MIGA1: variants seen among roughly 807,000 people sequenced by gnomAD.
The protein encoded by MIGA1 is mitoguardin 1.
MIGA1 carries 58 observed loss-of-function variants against 82.0 expected under a neutral mutation model. The ratio of observed to expected loss-of-function variants is 0.71; its 90% confidence interval spans 0.57 to 0.88. The LOEUF is 0.88. Among genes scored for constraint, MIGA1 ranks in the 40% least tolerant of loss-of-function variants. The pLI, the probability that MIGA1 is intolerant of heterozygous loss-of-function variation, is 0.00. For missense variants in MIGA1, 751 were observed against 749.1 expected, an observed-to-expected ratio of 1.00 and a Z score of -0.03; for synonymous variants, 249 against 253.6, an observed-to-expected ratio of 0.98 and a Z score of 0.17.
chr1:77,848,336 C>T, intron 8 of MIGA1: 1 of 1,259,980 alleles, frequency 7.9e-7, no homozygotes, highest in Non-Finnish European at 1.1e-6. Context: ...ATGATCAGAA[C>T]CGACACAGTG....
chr1:77,818,777 A>T (rs1463060209), intron 7 of MIGA1, among the ~76,000 whole-genome samples: 10 of 152,216 alleles, frequency 6.6e-5, no homozygotes, highest in Middle Eastern at 3.4e-3. Context: ...GAAACTCTAG[A>T]TAAAAAATTA....
chr1:77,847,318 C>T (rs1277057335), intron 8 of MIGA1: 3 of 919,208 alleles, frequency 3.3e-6, no homozygotes, highest in African/African-American at 1.6e-5. Flanking sequence ...GAAAATGCTA[C>T]TGTGTATGAA....
intron 14 of MIGA1, among the ~76,000 whole-genome samples, chr1:77,871,108 G>GGAGA (rs1480928969): frequency 4.3e-5 from 1 of 23,166 alleles, no homozygotes; most frequent in Non-Finnish European, 2.2e-4. Context: ...AGAGGGAGAG[G>GGAGA]GAGAGGGAGA....
At chr1:77,855,785 C>G (rs1219570724) in intron 8 of MIGA1, among the ~76,000 whole-genome samples, 1 of 151,782 alleles carries the variant, frequency 6.6e-6, no homozygotes, top group Non-Finnish European at 1.5e-5. Context: ...GTTCTAGGAG[C>G]TTTCTAGACA....
chr1:77,807,743 G>A (rs891649108), intron 5 of MIGA1, among the ~76,000 whole-genome samples: 1 of 151,984 alleles, frequency 6.6e-6, no homozygotes, highest in African/African-American at 2.4e-5. Context: ...TGTTTGGCTC[G>A]TGACCACATC....
At chr1:77,851,123 C>T (rs1685032611) in intron 8 of MIGA1, among the ~76,000 whole-genome samples, 1 of 152,088 alleles carries the variant, frequency 6.6e-6, no homozygotes, top group Non-Finnish European at 1.5e-5. Context: ...CACCCACCTC[C>T]GCCTCCCAAA....
chr1:77,870,084 C>T (rs1571023393), intron 14 of MIGA1, among the ~76,000 whole-genome samples: 3 of 111,772 alleles, frequency 2.7e-5, no homozygotes, highest in African/African-American at 1.0e-4. Flanking sequence ...GCTGGCCGGG[C>T]GGGGGGCTGA....
At chr1:77,794,087 C>A (rs1437433055) in intron 2 of MIGA1, among the ~76,000 whole-genome samples, 3 of 152,092 alleles carry the variant, frequency 2.0e-5, no homozygotes, top group African/African-American at 7.2e-5. Context: ...CCGCGCCCGG[C>A]CTTAAACTTT....
At chr1:77,831,320 G>A (rs1256806301) in intron 7 of MIGA1, among the ~76,000 whole-genome samples, 1 of 152,106 alleles carries the variant, frequency 6.6e-6, no homozygotes, top group Non-Finnish European at 1.5e-5. Context: ...TAATAAACAA[G>A]TAATTTTGTA....
At chr1:77,835,957 AAAAAAAAG>A (rs1289122761) in intron 7 of MIGA1, among the ~76,000 whole-genome samples, 3 of 151,964 alleles carry the variant, frequency 2.0e-5, no homozygotes, top group African/African-American at 7.3e-5. Context: ...CAGAAAAAAG[AAAAAAAAG>A]AAAAAAAGAA....
Position 77,876,863 on chromosome 1 carries a change from G to A in MIGA1, c.*1799G>A, listed in dbSNP as rs985741273. 2.6e-5 allele frequency: 4 copies of A among 152,144 alleles called. No individual in the cohort carries two copies. The highest frequency in any genetic ancestry group is 2.0e-4 in the Admixed American group (3 of 15,272). The allele number at this position is 152,144 out of a possible 1,614,324, so 9.4% of individuals were successfully genotyped here. On this transcript the variant is annotated 3_prime_UTR_variant, in exon 16 of 16. Transcript: ENST00000370791. ...GAGTATATTAAATGCTTTCAGAGTT[G>A]TATTAATTTTGTTTCTAAATAATAT... is the stretch of plus-strand genomic sequence containing the variant.
At chr1:77,790,851 G>A (rs1682386748) in intron 2 of MIGA1, among the ~76,000 whole-genome samples, 1 of 152,058 alleles carries the variant, frequency 6.6e-6, no homozygotes, top group Non-Finnish European at 1.5e-5. Flanking sequence ...GCCTCCCAAA[G>A]TGCTGGGATT....
chr1:77,860,275 G>C (rs949354514), intron 11 of MIGA1, 149 bp downstream of exon 11: 2 of 583,566 alleles, frequency 3.4e-6, no homozygotes, highest in Non-Finnish European at 6.0e-6. Context: ...GTTGAACTAT[G>C]TATAAAGTCC....
chr1:77,822,143 G>A (rs750042091), intron 7 of MIGA1, among the ~76,000 whole-genome samples: 5 of 151,778 alleles, frequency 3.3e-5, no homozygotes, highest in African/African-American at 7.3e-5. Context: ...AAAAAAAATC[G>A]TACACCTTAA....
intron 7 of MIGA1, among the ~76,000 whole-genome samples, chr1:77,831,313 TAAAC>T (rs1347450048): frequency 6.6e-6 from 1 of 152,192 alleles, no homozygotes; most frequent in Non-Finnish European, 1.5e-5. Flanking sequence ...CTTTCCTTAA[TAAAC>T]AAGTAATTTT....
chr1:77,861,581 C>T (rs1413756220), intron 12 of MIGA1: 1 of 386,906 alleles, frequency 2.6e-6, no homozygotes, highest in African/African-American at 2.1e-5. Context: ...TGTTCCCTCT[C>T]TTCCTTCTCT....
chr1:77,791,243 TAA>T (rs757682711), intron 2 of MIGA1, among the ~76,000 whole-genome samples: 1,481 of 116,922 alleles, frequency 0.013, 18 homozygotes, highest in Admixed American at 0.019. Context: ...CCCTGTCTCT[TAA>T]AAAAAAAAAA....
intron 7 of MIGA1, among the ~76,000 whole-genome samples, chr1:77,819,186 A>C (rs1299395931): frequency 1.3e-5 from 2 of 152,154 alleles, no homozygotes; most frequent in Non-Finnish European, 2.9e-5. Context: ...AAAGTGAAGT[A>C]CAGAGGCATT....
chr1:77,866,283 A>G (rs1000335092), intron 13 of MIGA1, 55 bp from the exon 14 acceptor site: 92 of 1,520,658 alleles, frequency 6.1e-5, no homozygotes, highest in Non-Finnish European at 8.1e-5. Flanking sequence ...TCTAATAAAA[A>G]TGGAAATGTT....
Sources: allele counts gnomAD v4.1 joint callset (sites outside exome capture counted in the v4.1 genomes callset), GRCh38; gene constraint gnomAD v4.1.1; transcripts MANE v1.5; gene names NCBI Gene and HGNC (gene_info 2026-07-23, HGNC 2026-07-21).